Variants in WDPCP observed in about 807,000 individuals in gnomAD.
The protein encoded by WDPCP is WD repeat containing planar cell polarity effector.
In WDPCP, 71 loss-of-function variants were observed where a neutral mutation model predicts 93.1. The observed-to-expected ratio is 0.76, with a 90% CI of 0.63 to 0.93. The LOEUF (loss-of-function observed/expected upper bound fraction) is 0.93, where lower values mean the gene tolerates loss of function less well. Ranked by LOEUF, WDPCP falls within the 40% of genes least tolerant of loss-of-function variation. The pLI is 0.00. For synonymous variants in WDPCP, 315 were observed against 315.0 expected, an observed-to-expected ratio of 1.00 and a Z score of 0.00; for missense variants, 844 against 887.4, an observed-to-expected ratio of 0.95 and a Z score of 0.62.
At chr2:63,586,244 A>G (rs1490312450) in intron 1 of WDPCP, among the ~76,000 whole-genome samples, 3 of 152,230 alleles carry the variant, frequency 2.0e-5, no homozygotes, top group African/African-American at 4.8e-5. Context: ...TGATCCTTTA[A>G]TATCTTTGCT....
At chr2:63,335,892 A>G (rs1223784539) in intron 12 of WDPCP, among the ~76,000 whole-genome samples, 1 of 152,182 alleles carries the variant, frequency 6.6e-6, no homozygotes, top group Non-Finnish European at 1.5e-5. Flanking sequence ...AGTCAGACAA[A>G]ACCTGCCAAA....
At chr2:63,457,094 A>G (rs2105713613) in intron 6 of WDPCP, among the ~76,000 whole-genome samples, 1 of 152,328 alleles carries the variant, frequency 6.6e-6, no homozygotes, top group Admixed American at 6.5e-5. Context: ...TTGCTAGAAT[A>G]ACCAAGAACA....
chr2:63,482,604 C>A (rs1194153251), intron 6 of WDPCP, among the ~76,000 whole-genome samples: 1 of 151,830 alleles, frequency 6.6e-6, no homozygotes, highest in African/African-American at 2.4e-5. Flanking sequence ...GAAATAGAAC[C>A]TACATAGATT....
chr2:63,455,459 GAAAGTAAAGGGATGGAA>G (rs1698560773), intron 6 of WDPCP, among the ~76,000 whole-genome samples: 2 of 146,760 alleles, frequency 1.4e-5, no homozygotes, highest in Non-Finnish European at 3.0e-5. Context: ...CACACACACA[GAAAGTAAAGGGATGGAA>G]AAAGATATTC....
intron 1 of WDPCP, among the ~76,000 whole-genome samples, chr2:63,503,409 T>C (rs1476074172): frequency 6.6e-6 from 1 of 152,194 alleles, no homozygotes; most frequent in Non-Finnish European, 1.5e-5. Flanking sequence ...GAGACTTGTA[T>C]CTAGTTGAAG....
intron 14 of WDPCP, among the ~76,000 whole-genome samples, chr2:63,222,989 A>T (rs938599615): frequency 6.6e-6 from 1 of 152,130 alleles, no homozygotes; most frequent in Non-Finnish European, 1.5e-5. Context: ...TATAAAACAT[A>T]AGAAAATATG....
At chr2:63,486,650 G>A in intron 3 of WDPCP, 64 bp from the exon 4 acceptor site, 1 of 1,354,004 alleles carries the variant, frequency 7.4e-7, no homozygotes, top group South Asian at 1.3e-5. Flanking sequence ...TTATTATAAT[G>A]CCTTGTATTT....
intron 1 of WDPCP, among the ~76,000 whole-genome samples, chr2:63,544,458 C>T (rs925446890): frequency 6.6e-6 from 1 of 152,096 alleles, no homozygotes; most frequent in Non-Finnish European, 1.5e-5. Context: ...TGAGTGTACA[C>T]TGAAATACAT....
chr2:63,806,800 C>T (rs192688361), intron 2 of WDPCP, among the ~76,000 whole-genome samples: 35 of 152,294 alleles, frequency 2.3e-4, no homozygotes, highest in African/African-American at 6.5e-4. Flanking sequence ...CTGTTCCGCC[C>T]GGCTCACTGG....
intron 1 of WDPCP, among the ~76,000 whole-genome samples, chr2:63,508,087 C>T (rs967561539): frequency 6.6e-6 from 1 of 152,196 alleles, no homozygotes; most frequent in Non-Finnish European, 1.5e-5. Context: ...ACAGAGAACA[C>T]CACAAAGATG....
chr2:63,405,424 C>A (rs1465929375), intron 9 of WDPCP, among the ~76,000 whole-genome samples: 1 of 151,982 alleles, frequency 6.6e-6, no homozygotes, highest in East Asian at 1.9e-4. Context: ...CAACCAAATG[C>A]AAATAGAAAA....
intron 2 of WDPCP, among the ~76,000 whole-genome samples, chr2:63,706,762 G>A (rs910441534): frequency 6.6e-5 from 10 of 150,928 alleles, no homozygotes; most frequent in East Asian, 3.9e-4. Context: ...GACTACAGGC[G>A]CCCGCCACCG....
chr2:63,509,087 T>C (rs1575550183), intron 1 of WDPCP, among the ~76,000 whole-genome samples: 1 of 152,206 alleles, frequency 6.6e-6, no homozygotes, highest in East Asian at 1.9e-4. Flanking sequence ...GCGGACCTAA[T>C]AGACATCTAC....
chr2:63,294,828 A>T (rs1456248807), intron 13 of WDPCP, among the ~76,000 whole-genome samples: 1 of 152,172 alleles, frequency 6.6e-6, no homozygotes, highest in East Asian at 1.9e-4. Context: ...TGCTCTCTAT[A>T]CAAATTAAGA....
intron 2 of WDPCP, among the ~76,000 whole-genome samples, chr2:63,809,165 G>A (rs1230922184): frequency 6.6e-6 from 1 of 151,998 alleles, no homozygotes; most frequent in Admixed American, 6.6e-5. Context: ...CGTCTGGGAA[G>A]TGAGGAGCGT....
At chr2:63,179,873 ATTGCTGTCTTTTAAAAT>A (rs1382196328) in intron 14 of WDPCP, among the ~76,000 whole-genome samples, 1 of 151,890 alleles carries the variant, frequency 6.6e-6, no homozygotes, top group Non-Finnish European at 1.5e-5. Flanking sequence ...ATTTTCTGTG[ATTGCTGTCTTTTAAAAT>A]TTGTTAAGAT....
intron 3 of WDPCP, among the ~76,000 whole-genome samples, chr2:63,644,597 T>C (rs1710027358): frequency 6.6e-6 from 1 of 152,222 alleles, no homozygotes; most frequent in African/African-American, 2.4e-5. Context: ...TCGTTTTTCA[T>C]GAAATGTTTG....
At chr2:63,171,439 T>C (rs1673382659) in intron 15 of WDPCP, among the ~76,000 whole-genome samples, 1 of 152,190 alleles carries the variant, frequency 6.6e-6, no homozygotes, top group Admixed American at 6.5e-5. Flanking sequence ...ATGTTCAACA[T>C]CATTAGTTGT....
chr2:63,443,424 G>C (rs1035032037), intron 6 of WDPCP, among the ~76,000 whole-genome samples: 1 of 152,164 alleles, frequency 6.6e-6, no homozygotes, highest in Non-Finnish European at 1.5e-5. Flanking sequence ...ATAAATATCT[G>C]GAGAAAAGGA....
Sources: gnomAD v4.1 joint callset for allele counts (sites outside exome capture counted in the v4.1 genomes callset) on GRCh38, gnomAD v4.1.1 for gene constraint, MANE v1.5 for transcripts, NCBI Gene and HGNC (gene_info 2026-07-23, HGNC 2026-07-21) for gene names.